NUP210L: variants seen among roughly 807,000 people sequenced by gnomAD.
NUP210L encodes the protein nucleoporin 210 like, also known as nuclear pore membrane glycoprotein 210-like.
Under a neutral mutation model 208.5 loss-of-function variants are expected in NUP210L, and 74 were observed. The ratio of observed to expected loss-of-function variants is 0.35; its 90% confidence interval spans 0.29 to 0.43. The LOEUF is 0.43. NUP210L is among the 20% of genes least tolerant of loss of function. The pLI, the probability that NUP210L is intolerant of heterozygous loss-of-function variation, is 1.00. For missense variants in NUP210L, 1,843 were observed against 2,289.4 expected (o/e 0.81, Z 3.98); for synonymous variants, 780 against 816.9 (o/e 0.95, Z 0.77).
chr1:154,114,011 T>C (rs1264710046), intron 12 of NUP210L, among the ~76,000 whole-genome samples: 1 of 150,838 alleles, frequency 6.6e-6, no homozygotes, highest in East Asian at 1.9e-4. Flanking sequence ...GGCGTGGTAG[T>C]GGGCGCCTGT....
intron 2 of NUP210L, among the ~76,000 whole-genome samples, chr1:154,146,590 C>T (rs1659121088): frequency 6.6e-6 from 1 of 150,542 alleles, no homozygotes; most frequent in Non-Finnish European, 1.5e-5. Flanking sequence ...TGAGTCCATG[C>T]CACTGCAAGA....
At chr1:154,055,824 T>C (rs1653837195) in intron 23 of NUP210L, among the ~76,000 whole-genome samples, 1 of 152,242 alleles carries the variant, frequency 6.6e-6, no homozygotes, top group Non-Finnish European at 1.5e-5. Context: ...ATAAGTTATA[T>C]ATCTACTCAC....
intron 10 of NUP210L, 70 bp from the exon 11 acceptor site, chr1:154,118,878 T>G: frequency 2.4e-6 from 2 of 839,868 alleles, no homozygotes; most frequent in South Asian, 3.0e-5. Flanking sequence ...ATTCATATAC[T>G]CAAAACATCA....
In NUP210L at chr1:154,038,337, C is replaced by CTTT. The variant is rs993828789; in HGVS notation, c.3696+7729_3696+7731dup. 4.9e-3 allele frequency among the ~76,000 whole-genome samples: 657 copies of CTTT among 134,644 alleles called. 6 individuals are homozygous for CTTT. The highest frequency in any genetic ancestry group is 0.017 in the African/African-American group (625 of 37,012). The allele number at this position is 134,644 out of a possible 152,430, so 88.3% of individuals were successfully genotyped here. A position where few individuals can be genotyped will look rare whatever the true frequency, so the allele number is the denominator to read the frequency against. ...TGTAGAGACAGGGTTTTTTCTTTTTCTTTTTTTTTTTTTTTTATTTTTGAG... is the reference window on the plus strand; with the variant it reads ...TGTAGAGACAGGGTTTTTTCTTTTTCTTTTTTTTTTTTTTTTTTTATTTTTGAG... On this transcript the variant is annotated intron_variant, in intron 27 of 39. Coordinates refer to ENST00000368559, the Ensembl canonical transcript of NUP210L.
intron 14 of NUP210L, among the ~76,000 whole-genome samples, chr1:154,096,430 CAGACTT>C (rs1351314618): frequency 6.6e-6 from 1 of 152,058 alleles, no homozygotes; most frequent in Non-Finnish European, 1.5e-5. Context: ...CTGGGAGAGA[CAGACTT>C]AGAGTAGGTA....
At position 154,134,455 on chromosome 1, in the gene NUP210L, A is replaced by T. The variant is rs1188197280; in HGVS notation, c.1009+1359T>A. ...TTTTTTTTTTTTGAGATGGAGTTTC[A>T]GGCCGGGCGCGGTGGCTCACGCCTG... is the stretch of plus-strand genomic sequence containing the variant. On this transcript the variant is annotated intron_variant, in intron 7 of 39. Transcript: ENST00000368559. Among the ~76,000 whole-genome samples, 27 of 129,958 alleles carry T rather than the reference A, an allele frequency of 2.1e-4. No individual in the cohort carries two copies. In the East Asian group the frequency reaches 5.4e-3, roughly 26 times the overall value. The allele number at this position is 129,958 out of a possible 152,430, so 85.3% of individuals were successfully genotyped here.
intron 7 of NUP210L, among the ~76,000 whole-genome samples, chr1:154,131,277 A>AT (rs896086609): frequency 2.6e-5 from 4 of 151,800 alleles, no homozygotes; most frequent in African/African-American, 9.7e-5. Context: ...ATCTCAAAAA[A>AT]AAAAAAAAGA....
chr1:154,068,106 A>G (rs2148008746), intron 17 of NUP210L, among the ~76,000 whole-genome samples: 1 of 152,286 alleles, frequency 6.6e-6, no homozygotes, highest in South Asian at 2.1e-4. Flanking sequence ...ATAGAACCAA[A>G]AAAGAGCCCA....
At chr1:154,003,929 C>T (rs1405421505) in intron 35 of NUP210L, among the ~76,000 whole-genome samples, 3 of 152,142 alleles carry the variant, frequency 2.0e-5, no homozygotes, top group Non-Finnish European at 2.9e-5. Context: ...TCAATGCATG[C>T]TTGGATTATT....
chr1:154,109,662 G>A (rs2148078247), intron 12 of NUP210L, among the ~76,000 whole-genome samples: 1 of 151,458 alleles, frequency 6.6e-6, no homozygotes, highest in East Asian at 1.9e-4. Context: ...CAAAACAATT[G>A]TTCAAAAATT....
chr1:154,000,714 C>A, intron 37 of NUP210L, 142 bp downstream of exon 37: 1 of 692,960 alleles, frequency 1.4e-6, no homozygotes. Context: ...CTGTTTATTT[C>A]AGGAGTTTTT....
intron 27 of NUP210L, among the ~76,000 whole-genome samples, chr1:154,032,502 T>G (rs1652285974): frequency 1.3e-5 from 2 of 152,258 alleles, no homozygotes; most frequent in South Asian, 4.1e-4. Context: ...TATGACTTTT[T>G]TTTTTTTGGT....
chr1:154,013,601 A>G (rs1454602738), intron 33 of NUP210L, among the ~76,000 whole-genome samples: 1 of 151,998 alleles, frequency 6.6e-6, no homozygotes, highest in Non-Finnish European at 1.5e-5. Context: ...CAAACAAACA[A>G]AAACAAAAAA....
At position 154,006,978 on chromosome 1, in the gene NUP210L, T is replaced by C. The variant is rs1187418138; in HGVS notation, c.4930+2994A>G. ...TATATATATATATATTTTTTTTTTT[T>C]TTTTAAATGGAGTTTCGCTCTTTCA... On this transcript the variant is annotated intron_variant, in intron 35 of 39. Transcript: ENST00000368559. Among the ~76,000 whole-genome samples, 21 of 123,366 alleles carry C rather than the reference T, an allele frequency of 1.7e-4. No individual in the cohort carries two copies. In the Admixed American group the frequency reaches 1.7e-3, roughly 10 times the overall value. The allele number at this position is 123,366 out of a possible 152,430, so 80.9% of individuals were successfully genotyped here.
intron 32 of NUP210L, 45 bp from the exon 33 acceptor site, chr1:154,019,114 A>G (rs1651417505): frequency 1.9e-6 from 3 of 1,605,880 alleles, no homozygotes; most frequent in Admixed American, 1.7e-5. Flanking sequence ...CCTTTGATAT[A>G]AATCACTCTG....
chr1:154,122,830 G>T (rs1023527065), intron 10 of NUP210L, among the ~76,000 whole-genome samples: 29 of 152,002 alleles, frequency 1.9e-4, no homozygotes, highest in Admixed American at 5.9e-4. Context: ...AGGCTGAGGT[G>T]GGTGGAGCAC....
intron 31 of NUP210L, among the ~76,000 whole-genome samples, chr1:154,022,774 C>G (rs1187843851): frequency 6.7e-6 from 1 of 149,972 alleles, no homozygotes; most frequent in East Asian, 2.0e-4. Context: ...GCCTCCTGGG[C>G]TCAAGTGATC....
chr1:154,057,478 C>G (rs1653928801), intron 22 of NUP210L, among the ~76,000 whole-genome samples: 1 of 152,018 alleles, frequency 6.6e-6, no homozygotes, highest in Non-Finnish European at 1.5e-5. Flanking sequence ...TAAAAATAGA[C>G]TGGTAAAATT....
In NUP210L at chr1:154,143,443, T is replaced by C; in HGVS notation, c.472+3A>G. Reference sequence around the variant, plus strand: ...TTTTGTTGAATCCTCTGAAGTTCTTTACCTTCAGCATCCAATGCCCTCACC... The same window carrying C: ...TTTTGTTGAATCCTCTGAAGTTCTTCACCTTCAGCATCCAATGCCCTCACC... On this transcript the variant is annotated splice_donor_region_variant and intron_variant, in intron 3 of 39. Coordinates refer to ENST00000368559, the Ensembl canonical transcript of NUP210L. 1.2e-6 allele frequency: 2 copies of C among 1,611,728 alleles called. No individual in the cohort carries two copies. Among genetic ancestry groups the C allele is most frequent in the Non-Finnish European group, 1.7e-6 (2 of 1,179,190 alleles).
Sources: gnomAD v4.1 joint callset for allele counts (sites outside exome capture counted in the v4.1 genomes callset) on GRCh38, gnomAD v4.1.1 for gene constraint, MANE v1.5 for transcripts, NCBI Gene and HGNC (gene_info 2026-07-23, HGNC 2026-07-21) for gene names.